Variants in CCDC27 observed in about 807,000 individuals in gnomAD.
CCDC27 encodes coiled-coil domain containing 27, also known as coiled-coil domain-containing protein 27.
In CCDC27, 80 loss-of-function variants were observed where a neutral mutation model predicts 80.3. The observed-to-expected ratio is 1.00, with a 90% CI of 0.83 to 1.20. The LOEUF is 1.20. CCDC27 is among the 50% of genes most tolerant of loss of function. The pLI, the probability that CCDC27 is intolerant of heterozygous loss-of-function variation, is 0.00. For synonymous variants in CCDC27, 342 were observed against 334.3 expected (o/e 1.02, Z -0.25); for missense variants, 815 against 809.4 (o/e 1.01, Z -0.08).
chr1:3,757,049 G>A, intron 4 of CCDC27, 159 bp downstream of exon 4: 1 of 816,220 alleles, frequency 1.2e-6, no homozygotes, highest in Non-Finnish European at 1.9e-6. Flanking sequence ...CCCCTGCTTT[G>A]ACAAAGCTCC....
Position 3,763,441 on chromosome 1 carries a change from G to T in CCDC27, c.1288G>T (p.Glu430Ter). Residue 430 changes from glutamate to a stop codon, truncating the protein, a stop_gained, in exon 7 of 12, where the codon GAG (glutamate) becomes TAG (stop). Transcript: ENST00000294600. LOFTEE classifies it high-confidence loss of function. The surrounding 1 kb of genome is among the most constrained non-coding windows in gnomAD (Gnocchi z 7.5). ...CATCCTGGACTTCCAGTTCAACCTG[G>T]AGGCCACCAGGACCAGATACTCCCT... is the stretch of plus-strand genomic sequence containing the variant. ...QVILDFQFNL[E>*]ATRTRYSLAT... 6.2e-7 allele frequency: 1 copy of T among 1,610,008 alleles called. No individual in the cohort carries two copies. The highest frequency in any genetic ancestry group is 8.5e-7 in the Non-Finnish European group (1 of 1,178,640).
At chr1:3,770,661 G>A (rs1483317117) in intron 11 of CCDC27, among the ~76,000 whole-genome samples, 1 of 152,204 alleles carries the variant, frequency 6.6e-6, no homozygotes, top group Non-Finnish European at 1.5e-5. Context: ...CCCAGTGTGT[G>A]CCCCTGACCT....
At chr1:3,753,416 T>G (rs1642873420) in intron 1 of CCDC27, among the ~76,000 whole-genome samples, 1 of 150,272 alleles carries the variant, frequency 6.7e-6, no homozygotes, top group African/African-American at 2.5e-5. Context: ...CTCCACCTCC[T>G]GGGTTCAAGT....
In CCDC27 at chr1:3,761,985, TG is replaced by T. The variant is rs1415100669; in HGVS notation, c.861+559del. 1.3e-4 allele frequency among the ~76,000 whole-genome samples: 6 copies of T among 46,076 alleles called. No homozygotes were observed. The highest frequency in any genetic ancestry group is 5.0e-4 in the African/African-American group (6 of 12,040). 30.2% of individuals were successfully genotyped at this position (46,076 alleles called of 152,430 possible). On this transcript the variant is annotated intron_variant, in intron 5 of 11. Transcript: ENST00000294600. The surrounding 1 kb of genome is among the most constrained non-coding windows in gnomAD (Gnocchi z 5.0). ...GTTGGGCATGGGGTTGGGGTGGGGG[TG>T]GGGTAGAGGTGGGGATGCAGGTGGG... is the stretch of plus-strand genomic sequence containing the variant.
chr1:3,771,111 GC>G (rs1643350653), intron 11 of CCDC27, among the ~76,000 whole-genome samples: 1 of 152,198 alleles, frequency 6.6e-6, no homozygotes, highest in African/African-American at 2.4e-5. Context: ...GTGTGCACCT[GC>G]CCCCGGCTCC....
chr1:3,752,927 G>A (rs1642859481), intron 1 of CCDC27, 128 bp downstream of exon 1: 8 of 1,083,318 alleles, frequency 7.4e-6, no homozygotes, highest in Non-Finnish European at 1.1e-5. Flanking sequence ...GTTACCAAAG[G>A]GGGATTCCAG....
At chr1:3,754,327 C>CGA in intron 2 of CCDC27, 86 bp downstream of exon 2, 1 of 1,441,632 alleles carries the variant, frequency 6.9e-7, no homozygotes, top group Non-Finnish European at 9.1e-7. Flanking sequence ...CTTCAGCCTG[C>CGA]GAGCAGCCGC....
Position 3,769,874 on chromosome 1 carries a change from T to G in CCDC27, c.1835T>G (p.Leu612Arg). ...AACGAGATCTCTGACAATGACATCC[T>G]GGAAGCCCTGCAGGTATACCCCTAA... is the stretch of plus-strand genomic sequence containing the variant. ...LANEISDNDI[L>R]EALQRIISER... Residue 612 changes from leucine (L) to arginine (R), a missense_variant, in exon 11 of 12, where the codon CTG becomes CGG. By Grantham distance (102) the Leu-to-Arg change is moderately radical. Transcript: ENST00000294600. The surrounding 1 kb of genome is among the most constrained non-coding windows in gnomAD (Gnocchi z 4.6). 2 of 1,613,680 alleles carry G rather than the reference T, an allele frequency of 1.2e-6. No homozygotes were observed. The highest frequency in any genetic ancestry group is 1.7e-6 in the Non-Finnish European group (2 of 1,179,640).
chr1:3,763,886 G>C lies in CCDC27; in HGVS notation c.1452+50G>C. The C allele has an allele frequency of 3.1e-6, 5 of 1,598,946 alleles. No homozygotes were observed. The highest frequency in any genetic ancestry group is 2.2e-5 in the East Asian group (1 of 44,560). Reference sequence around the variant, plus strand: ...TCCGCTCCATGAGCATGGGCCCCAGGCTTCATTAACCCCCGGCAGCTCGGG... The same window carrying C: ...TCCGCTCCATGAGCATGGGCCCCAGCCTTCATTAACCCCCGGCAGCTCGGG... On this transcript the variant is annotated intron_variant, in intron 8 of 11. Coordinates refer to ENST00000294600, the MANE Select transcript of CCDC27 (RefSeq NM_152492.3). This position sits in a 1 kb window ranked among gnomAD's most constrained non-coding sequence, Gnocchi z 7.5.
Position 3,763,488 on chromosome 1 carries a change from G to T in CCDC27, c.1321+14G>T, listed in dbSNP as rs368052589. ...CCCTTGCAACAGGTAGGGCCTCGGC[G>T]GGGGGCACTGGGCTTTGGCCACTCA... On this transcript the variant is annotated intron_variant, in intron 7 of 11. Coordinates refer to ENST00000294600, the MANE Select transcript of CCDC27 (RefSeq NM_152492.3). The surrounding 1 kb of genome is among the most constrained non-coding windows in gnomAD (Gnocchi z 7.5). The T allele has an allele frequency of 3.9e-5, 62 of 1,575,318 alleles. No individual in the cohort carries two copies. The African/African-American group carries it at 7.4e-4, about 19-fold the overall frequency.
In CCDC27 at chr1:3,766,412, C is replaced by T; in HGVS notation, c.1453-123C>T. 1.6e-6 allele frequency: 1 copy of T among 639,256 alleles called. No homozygotes were observed. 39.6% of individuals were successfully genotyped at this position (639,256 alleles called of 1,614,324 possible). On this transcript the variant is annotated intron_variant, in intron 8 of 11. Coordinates refer to ENST00000294600, the MANE Select transcript of CCDC27 (RefSeq NM_152492.3). This position sits in a 1 kb window ranked among gnomAD's most constrained non-coding sequence, Gnocchi z 6.1. The stretch of plus-strand genomic sequence containing the variant: ...TTTCTTCTTCTCTTCTCCCTGCCTT[C>T]AATAGAAATCCCGCTGCTATTATTT...
chr1:3,771,483 C>A lies in CCDC27; in HGVS notation c.1931C>A (p.Ala644Asp), dbSNP rs748509640. 4 of 1,613,970 alleles carry A rather than the reference C, an allele frequency of 2.5e-6. No individual in the cohort carries two copies. The South Asian group carries it at 4.4e-5, about 18-fold the overall frequency. The change falls in exon 12 of 12, where the codon GCC (alanine) becomes GAC (aspartate). Residue 644 changes from alanine (A) to aspartate (D), a missense_variant. Physicochemically the swap from Ala to Asp is moderately radical, Grantham distance 126 (BLOSUM62 -2). Coordinates refer to ENST00000294600, the MANE Select transcript of CCDC27 (RefSeq NM_152492.3). Reference protein sequence around the residue: ...VKVPPLQQSEAFLTSKSKKGT... With the variant: ...VKVPPLQQSEDFLTSKSKKGT... ...GTGCCCCCCCTGCAACAGTCAGAGG[C>A]CTTCCTGACCAGCAAATCCAAGAAG...
In CCDC27 at chr1:3,763,139, G is replaced by A; in HGVS notation, c.986G>A (p.Gly329Asp). ...MQEESAAPER[G>D]KEPDLGGGEE... The stretch of plus-strand genomic sequence containing the variant: ...GAGGAGTCTGCGGCACCGGAGAGGG[G>A]CAAGGAGCCCGACCTGGGAGGTGGC... The change falls in exon 7 of 12, where the codon GGC becomes GAC. Residue 329 changes from glycine to aspartate, a missense_variant. Gly to Asp is a moderately conservative substitution (Grantham distance 94, BLOSUM62 -1). Transcript: ENST00000294600. The surrounding 1 kb of genome is among the most constrained non-coding windows in gnomAD (Gnocchi z 7.5). 2 of 1,485,540 alleles carry A rather than the reference G, an allele frequency of 1.3e-6. No homozygotes were observed. The highest frequency in any genetic ancestry group is 2.5e-5 in the Admixed American group (1 of 39,868). The allele number at this position is 1,485,540 out of a possible 1,614,324, so 92.0% of individuals were successfully genotyped here. A position where few individuals can be genotyped will look rare whatever the true frequency, so the allele number is the denominator to read the frequency against.
Position 3,755,530 on chromosome 1 carries a change from G to A in CCDC27, c.516G>A (p.Leu172=), listed in dbSNP as rs1642931272. The A allele has an allele frequency of 1.2e-6, 2 of 1,614,040 alleles. No homozygotes were observed. Among genetic ancestry groups the A allele is most frequent in the Non-Finnish European group, 1.7e-6 (2 of 1,180,044 alleles). The part of the protein sequence containing the change: ...SSETWRGTQD[L]FLARRGSDTN... The stretch of plus-strand genomic sequence containing the variant: ...AGACCTGGAGAGGCACCCAGGACCT[G>A]TTCTTGGCCAGGCGGGGCTCAGACA... The change falls in exon 3 of 12, where the codon CTG becomes CTA. Residue 172 remains leucine (L), a synonymous_variant. Transcript: ENST00000294600.
At position 3,761,057 on chromosome 1, in the gene CCDC27, G is replaced by A. The variant is rs914092593; in HGVS notation, c.712-224G>A. 2.0e-5 allele frequency among the ~76,000 whole-genome samples: 3 copies of A among 152,210 alleles called. No individual in the cohort carries two copies. The highest frequency in any genetic ancestry group is 6.5e-5 in the Admixed American group (1 of 15,282). On this transcript the variant is annotated intron_variant, in intron 4 of 11. Transcript: ENST00000294600. This position sits in a 1 kb window ranked among gnomAD's most constrained non-coding sequence, Gnocchi z 5.0. ...CTGTTCTTAGGATGGGTGCAGAGGC[G>A]CTGGAGGTGCCAGGCATGGCTGCAG...
intron 4 of CCDC27, among the ~76,000 whole-genome samples, chr1:3,758,699 A>G (rs1643019006): frequency 6.6e-6 from 1 of 152,116 alleles, no homozygotes; most frequent in African/African-American, 2.4e-5. Flanking sequence ...GGGTTCAAGC[A>G]ATCTTCCCAC....
rs991717235 is a variant in CCDC27 at position 3,766,863 on chromosome 1, A to C, written c.1530+251A>C. On this transcript the variant is annotated intron_variant, in intron 9 of 11. Transcript: ENST00000294600. This position sits in a 1 kb window ranked among gnomAD's most constrained non-coding sequence, Gnocchi z 6.1. ...TTTTTTTTTTTTTTTTTTTTTTGAGACAGAGTCCTGCTCCGTCACCAGGCT... is the reference window on the plus strand; with the variant it reads ...TTTTTTTTTTTTTTTTTTTTTTGAGCCAGAGTCCTGCTCCGTCACCAGGCT... Among the ~76,000 whole-genome samples, 2 of 115,780 alleles carry C rather than the reference A, an allele frequency of 1.7e-5. No individual in the cohort carries two copies. The highest frequency in any genetic ancestry group is 1.7e-5 in the Non-Finnish European group (1 of 60,016). The allele number at this position is 115,780 out of a possible 152,430, so 76.0% of individuals were successfully genotyped here. A position where few individuals can be genotyped will look rare whatever the true frequency, so the allele number is the denominator to read the frequency against.
rs948638530 is a variant in CCDC27, at chr1:3,763,596, C to G, written c.1322-110C>G. ...TGGAGCAGGGGCAGGTGTCGGCAGC[C>G]TCACCCAGGCTGGCAGAGCCCTCCC... On this transcript the variant is annotated intron_variant, in intron 7 of 11. Transcript: ENST00000294600. This position sits in a 1 kb window ranked among gnomAD's most constrained non-coding sequence, Gnocchi z 7.5. 7.0e-6 allele frequency: 11 copies of G among 1,564,160 alleles called. No homozygotes were observed. Among genetic ancestry groups the G allele is most frequent in the South Asian group, 4.8e-5 (4 of 84,150 alleles).
At chr1:3,762,829 TGCCCCACTC>T in intron 6 of CCDC27, 117 bp downstream of exon 6, 1 of 1,029,380 alleles carries the variant, frequency 9.7e-7, no homozygotes, top group Non-Finnish European at 1.4e-6. Context: ...TGACCTGGGG[TGCCCCACTC>T]CAGGGGAGCA....
Sources: gnomAD v4.1 joint callset for allele counts (sites outside exome capture counted in the v4.1 genomes callset) on GRCh38, gnomAD v4.1.1 for gene constraint, Gnocchi (gnomAD v3.1) non-coding constraint, MANE v1.5 for transcripts, NCBI Gene and HGNC (gene_info 2026-07-23, HGNC 2026-07-21) for gene names.